Variants in TRANK1 observed in about 807,000 individuals in gnomAD.
The protein encoded by TRANK1 is tetratricopeptide repeat and ankyrin repeat containing 1.
In TRANK1, 198 loss-of-function variants were observed where a neutral mutation model predicts 266.0. The observed-to-expected ratio is 0.74, with a 90% confidence interval of 0.66 to 0.84. The LOEUF (loss-of-function observed/expected upper bound fraction) is 0.84, where lower values mean the gene tolerates loss of function less well. Among genes scored for constraint, TRANK1 ranks in the 40% least tolerant of loss-of-function variants. The pLI, the probability that TRANK1 is intolerant of heterozygous loss-of-function variation, is 0.00. For missense variants in TRANK1, 3,326 were observed against 3,634.6 expected, an observed-to-expected ratio of 0.92 and a Z score of 2.18; for synonymous variants, 1,396 against 1,384.1, an observed-to-expected ratio of 1.01 and a Z score of -0.19.
At chr3:36,859,133 C>G (rs1368894099) in intron 11 of TRANK1, among the ~76,000 whole-genome samples, 2 of 152,198 alleles carry the variant, frequency 1.3e-5, no homozygotes, top group Non-Finnish European at 2.9e-5. Flanking sequence ...CTCTCCAGCT[C>G]CCCACCACAG....
At chr3:36,834,691 C>A in intron 21 of TRANK1, 71 bp downstream of exon 21, 1 of 1,544,874 alleles carries the variant, frequency 6.5e-7, no homozygotes. Flanking sequence ...GATAGCACCA[C>A]CCAGAGCAGG....
Position 36,833,653 on chromosome 3 carries a change from T to C in TRANK1, c.5930A>G (p.Glu1977Gly). The C allele has an allele frequency of 6.2e-7, 1 of 1,613,950 alleles. No individual in the cohort carries two copies. The highest frequency in any genetic ancestry group is 8.5e-7 in the Non-Finnish European group (1 of 1,179,850). ...CTTGTCGGCAGTGAGCCTGGCAGCC[T>C]CCAGGAGGCAGCCATGTTGCTTCAT... is the stretch of plus-strand genomic sequence containing the variant. ...LLMKQHGCLL[E>G]AARLTADKDF... is the part of the protein sequence containing the mutation. Residue 1977 changes from glutamate to glycine, a missense_variant, in exon 22 of 24, where the codon GAG becomes GGG. Transcript: ENST00000645898.
Position 36,903,111 on chromosome 3 carries a change from A to C in TRANK1, c.282+38T>G, listed in dbSNP as rs1205748191. 7.9e-6 allele frequency: 12 copies of C among 1,526,686 alleles called. No individual in the cohort carries two copies. The African/African-American group carries it at 1.2e-4, about 16-fold the overall frequency. The allele number at this position is 1,526,686 out of a possible 1,614,324, so 94.6% of individuals were successfully genotyped here. A position where few individuals can be genotyped will look rare whatever the true frequency, so the allele number is the denominator to read the frequency against. On this transcript the variant is annotated intron_variant, in intron 3 of 23. Transcript: ENST00000645898. Reference sequence around the variant, plus strand: ...CTTCATCCACCACCCCAATACTCTCAAGTCATCTCCCCACACCTTCACCCT... The same window carrying C: ...CTTCATCCACCACCCCAATACTCTCCAGTCATCTCCCCACACCTTCACCCT...
At position 36,856,139 on chromosome 3, in the gene TRANK1, C is replaced by A. The variant is rs76739135; in HGVS notation, c.3583G>T (p.Val1195Leu). ...TGGCACAGCACATGGTTCTTGGTCA[C>A]AAAGATCTGATGTAAATGCTCCAGC... is the stretch of plus-strand genomic sequence containing the variant. ...HQLEHLHQIFVTKNHVLCQEV... is the reference protein window; with the variant it reads ...HQLEHLHQIFLTKNHVLCQEV... The change falls in exon 13 of 24, where the codon GTG becomes TTG. Residue 1195 changes from valine (V) to leucine (L), a missense_variant. Coordinates refer to ENST00000645898, the MANE Select transcript of TRANK1 (RefSeq NM_001329998.2). 1.4e-3 allele frequency: 2,313 copies of A among 1,613,886 alleles called. 50 individuals carry two copies. In the East Asian group the frequency reaches 0.041, roughly 28 times the overall value.
At chr3:36,905,290 C>CAAA (rs35960884) in intron 2 of TRANK1, among the ~76,000 whole-genome samples, 1 of 94,970 alleles carries the variant, frequency 1.1e-5, no homozygotes, top group Non-Finnish European at 2.2e-5. Context: ...GACTCTGTCT[C>CAAA]AAAAAAAAAA....
At position 36,832,316 on chromosome 3, in the gene TRANK1, G is replaced by A; in HGVS notation, c.7267C>T (p.Pro2423Ser). The change falls in exon 22 of 24, where the codon CCA becomes TCA. Residue 2423 changes from proline to serine, a missense_variant. Pro to Ser is a moderately conservative substitution (Grantham distance 74, BLOSUM62 -1). Transcript: ENST00000645898. ...CIDQFYVYRNPEDYKRLFFRF... is the reference protein window; with the variant it reads ...CIDQFYVYRNSEDYKRLFFRF... Reference sequence around the variant, plus strand: ...AAAAAGAGCCTCTTGTAGTCTTCTGGGTTCCTGTACACGTAGAATTGATCA... The same window carrying A: ...AAAAAGAGCCTCTTGTAGTCTTCTGAGTTCCTGTACACGTAGAATTGATCA... 3 of 1,613,960 alleles carry A rather than the reference G, an allele frequency of 1.9e-6. No homozygotes were observed. Among genetic ancestry groups the A allele is most frequent in the East Asian group, 2.2e-5 (1 of 44,882 alleles).
intron 1 of TRANK1, among the ~76,000 whole-genome samples, chr3:36,914,164 C>T (rs1004391465): frequency 6.6e-6 from 1 of 151,792 alleles, no homozygotes; most frequent in South Asian, 2.1e-4. Flanking sequence ...GACTGAGTCT[C>T]ACTCTGTCGC....
intron 9 of TRANK1, among the ~76,000 whole-genome samples, chr3:36,870,610 T>C (rs2079293385): frequency 6.6e-6 from 1 of 152,190 alleles, no homozygotes; most frequent in South Asian, 2.1e-4. Context: ...ACCAGTGGCC[T>C]GGAAAACTTT....
chr3:36,852,363 A>G lies in TRANK1; in HGVS notation c.4550-18T>C. The G allele has an allele frequency of 6.5e-7, 1 of 1,539,228 alleles. No individual in the cohort carries two copies. Reference sequence around the variant, plus strand: ...GAGGATTCCTGGAATGAAACAGAAAACCCAAGTTGGATAATTAACAACATG... The same window carrying G: ...GAGGATTCCTGGAATGAAACAGAAAGCCCAAGTTGGATAATTAACAACATG... On this transcript the variant is annotated intron_variant, in intron 13 of 23. Transcript: ENST00000645898.
chr3:36,857,012 C>A lies in TRANK1; in HGVS notation c.2710G>T (p.Ala904Ser). The A allele has an allele frequency of 2.5e-6, 4 of 1,613,878 alleles. No homozygotes were observed. Among genetic ancestry groups the A allele is most frequent in the Non-Finnish European group, 2.5e-6 (3 of 1,179,862 alleles). The change falls in exon 13 of 24, where the codon GCC becomes TCC. Residue 904 changes from alanine to serine, a missense_variant. Coordinates refer to ENST00000645898, the MANE Select transcript of TRANK1 (RefSeq NM_001329998.2). This position sits in a 1 kb window ranked among gnomAD's most constrained non-coding sequence, Gnocchi z 4.3. ...DKGARMLWELAIDFSPRCSEN... is the reference protein window; with the variant it reads ...DKGARMLWELSIDFSPRCSEN... The stretch of plus-strand genomic sequence containing the variant: ...CTGCATCGAGGGGAGAAGTCAATGG[C>A]GAGCTCCCAGAGCATCCGGGCTCCT...
At position 36,874,334 on chromosome 3, in the gene TRANK1, G is replaced by C. The variant is rs1395452412; in HGVS notation, c.908-38C>G. On this transcript the variant is annotated intron_variant, in intron 8 of 23. Transcript: ENST00000645898. Reference sequence around the variant, plus strand: ...AAAATGAGAAGGGGTGTTTGTCATGGTTCCTTCCATAAGATGTCCCCATGA... The same window carrying C: ...AAAATGAGAAGGGGTGTTTGTCATGCTTCCTTCCATAAGATGTCCCCATGA... 2.7e-5 allele frequency: 42 copies of C among 1,527,584 alleles called. No individual in the cohort carries two copies. The East Asian group carries it at 3.9e-4, about 14-fold the overall frequency. 94.6% of individuals were successfully genotyped at this position (1,527,584 alleles called of 1,614,324 possible). A position where few individuals can be genotyped will look rare whatever the true frequency, so the allele number is the denominator to read the frequency against.
intron 9 of TRANK1, among the ~76,000 whole-genome samples, chr3:36,871,612 T>C (rs571643635): frequency 1.3e-5 from 2 of 152,178 alleles, no homozygotes; most frequent in African/African-American, 4.8e-5. Flanking sequence ...TTAGTATTCC[T>C]AAAAACATGA....
chr3:36,830,361 A>G (rs1250858409), intron 22 of TRANK1, among the ~76,000 whole-genome samples: 3 of 152,088 alleles, frequency 2.0e-5, no homozygotes, highest in Non-Finnish European at 4.4e-5. Flanking sequence ...AAAATAACAT[A>G]AGAATTCTAT....
intron 3 of TRANK1, among the ~76,000 whole-genome samples, 154 bp from the exon 4 acceptor site, chr3:36,899,413 G>A (rs573654614): frequency 7.9e-5 from 12 of 152,266 alleles, no homozygotes; most frequent in East Asian, 1.9e-4. Context: ...CTAACATTCC[G>A]AGAGATCAAG....
intron 22 of TRANK1, among the ~76,000 whole-genome samples, chr3:36,830,313 T>G (rs2078676341): frequency 6.7e-6 from 1 of 150,208 alleles, no homozygotes; most frequent in South Asian, 2.1e-4. Flanking sequence ...AGACTCCATC[T>G]CTATTTAAAA....
chr3:36,879,601 T>TATATATAAATATACAA (rs1559448006), intron 8 of TRANK1, among the ~76,000 whole-genome samples: 2 of 64,538 alleles, frequency 3.1e-5, no homozygotes, highest in Admixed American at 3.4e-4. Flanking sequence ...AATATATAAA[T>TATATATAAATATACAA]ATATATAAAT....
chr3:36,828,172 T>A lies in TRANK1; in HGVS notation c.*103A>T. 3.6e-6 allele frequency: 3 copies of A among 844,578 alleles called. No individual in the cohort carries two copies. The highest frequency in any genetic ancestry group is 5.7e-6 in the Non-Finnish European group (3 of 526,880). 52.3% of individuals were successfully genotyped at this position (844,578 alleles called of 1,614,324 possible). ...TGGTGTTGTTAGACTCCCCTATTTT[T>A]AAAATGCTAATTCACATTCTTTTTG... On this transcript the variant is annotated 3_prime_UTR_variant, in exon 24 of 24. Coordinates refer to ENST00000645898, the MANE Select transcript of TRANK1 (RefSeq NM_001329998.2).
intron 7 of TRANK1, among the ~76,000 whole-genome samples, chr3:36,890,800 A>G (rs993953877): frequency 6.6e-6 from 1 of 152,214 alleles, no homozygotes; most frequent in Non-Finnish European, 1.5e-5. Flanking sequence ...TCACCATGTC[A>G]GAGTTCTCTG....
intron 15 of TRANK1, among the ~76,000 whole-genome samples, chr3:36,848,342 T>C (rs995941378): frequency 3.3e-5 from 5 of 152,244 alleles, no homozygotes; most frequent in African/African-American, 1.2e-4. Flanking sequence ...TCCGGTAGTC[T>C]GGATTTGGCC....
Sources: gnomAD v4.1 joint callset for allele counts (sites outside exome capture counted in the v4.1 genomes callset) on GRCh38, gnomAD v4.1.1 for gene constraint, Gnocchi (gnomAD v3.1) non-coding constraint, MANE v1.5 for transcripts, NCBI Gene and HGNC (gene_info 2026-07-23, HGNC 2026-07-21) for gene names.